ENTREP2: variants seen among roughly 807,000 people sequenced by gnomAD.
The protein encoded by ENTREP2 is protein ENTREP2.
At chr15:29,554,959 G>C in the ENTREP2 span, among the ~76,000 whole-genome samples, 1 of 152,152 alleles carries the variant, frequency 6.6e-6, no homozygotes, top group East Asian at 1.9e-4. Context: ...CAGCTCAATG[G>C]GAGCTTATTA....
the ENTREP2 span, among the ~76,000 whole-genome samples, chr15:29,664,463 T>A: frequency 6.6e-6 from 1 of 151,794 alleles, no homozygotes; most frequent in Non-Finnish European, 1.5e-5. Context: ...TTTTTTTTTT[T>A]AGCGCTCCTG....
chr15:29,569,609 C>T, the ENTREP2 span: 2 of 152,278 alleles, frequency 1.3e-5, no homozygotes, highest in South Asian at 2.1e-4. Context: ...ATCTGCTCTG[C>T]ATATATATCT....
the ENTREP2 span, among the ~76,000 whole-genome samples, chr15:29,470,417 C>T: frequency 6.6e-6 from 1 of 152,174 alleles, no homozygotes; most frequent in Admixed American, 6.5e-5. Context: ...CCTGCCAGCT[C>T]CCTTGCAAAC....
At chr15:29,570,944 C>T in the ENTREP2 span, among the ~76,000 whole-genome samples, 5 of 144,772 alleles carry the variant, frequency 3.5e-5, no homozygotes, top group African/African-American at 9.9e-5. Flanking sequence ...GCCGCCGCCG[C>T]GCCGCCCGCC....
the ENTREP2 span, among the ~76,000 whole-genome samples, chr15:29,630,103 G>T: frequency 6.6e-6 from 1 of 152,080 alleles, no homozygotes; most frequent in Non-Finnish European, 1.5e-5. Context: ...GTGACACAAT[G>T]AGACCCTGTC....
the ENTREP2 span, among the ~76,000 whole-genome samples, chr15:29,576,876 C>G: frequency 3.8e-4 from 58 of 152,022 alleles, no homozygotes; most frequent in Non-Finnish European, 5.7e-4. Context: ...GGCGTGATCT[C>G]GGCTCACTGC....
At chr15:29,246,392 C>CAAAAAAA in the ENTREP2 span, among the ~76,000 whole-genome samples, 3 of 90,702 alleles carry the variant, frequency 3.3e-5, no homozygotes, top group Non-Finnish European at 4.4e-5. Context: ...ACCCTGTTTC[C>CAAAAAAA]AAAAAAAAAA....
At chr15:29,583,740 T>A in the ENTREP2 span, among the ~76,000 whole-genome samples, 1 of 152,224 alleles carries the variant, frequency 6.6e-6, no homozygotes, top group African/African-American at 2.4e-5. Flanking sequence ...AATCCCTTTC[T>A]GAAGAATTGT....
At chr15:29,674,503 C>G in the ENTREP2 span, among the ~76,000 whole-genome samples, 2 of 152,056 alleles carry the variant, frequency 1.3e-5, no homozygotes, top group Non-Finnish European at 2.9e-5. Context: ...CCCCTGACCT[C>G]GTGATCCGCC....
chr15:29,349,127 G>A, the ENTREP2 span, among the ~76,000 whole-genome samples: 1 of 152,280 alleles, frequency 6.6e-6, no homozygotes, highest in Admixed American at 6.5e-5. Flanking sequence ...TTCACAGACT[G>A]TCACACATGC....
the ENTREP2 span, among the ~76,000 whole-genome samples, chr15:29,216,160 G>A: frequency 6.6e-6 from 1 of 152,178 alleles, no homozygotes; most frequent in East Asian, 1.9e-4. Flanking sequence ...ATGGTGGCTT[G>A]GCAGTGGCGA....
chr15:29,193,817 C>T, the ENTREP2 span, among the ~76,000 whole-genome samples: 3 of 152,044 alleles, frequency 2.0e-5, no homozygotes, highest in Non-Finnish European at 2.9e-5. Context: ...AGATTGGTAA[C>T]AAAAATCAAA....
At chr15:29,636,109 G>A in the ENTREP2 span, among the ~76,000 whole-genome samples, 3 of 152,174 alleles carry the variant, frequency 2.0e-5, no homozygotes, top group African/African-American at 4.8e-5. Context: ...GCTAAAGCAG[G>A]CCCTCTTTGC....
chr15:29,175,144 G>T, the ENTREP2 span, among the ~76,000 whole-genome samples: 4 of 152,058 alleles, frequency 2.6e-5, no homozygotes, highest in Admixed American at 6.5e-5. Flanking sequence ...TGAGAGCCAG[G>T]GCTCCAAAGC....
chr15:29,170,595 T>TGTGA, the ENTREP2 span, among the ~76,000 whole-genome samples: 1 of 151,604 alleles, frequency 6.6e-6, no homozygotes, highest in Non-Finnish European at 1.5e-5. Flanking sequence ...TGTGTGTGTG[T>TGTGA]GTGAGTGTGT....
At chr15:29,474,039 A>G in the ENTREP2 span, among the ~76,000 whole-genome samples, 193 of 152,342 alleles carry the variant, frequency 1.3e-3, 1 homozygote, top group East Asian at 0.011. Context: ...ACAGCCTTCA[A>G]TAGCAAACCC....
chr15:29,406,913 C>T, the ENTREP2 span, among the ~76,000 whole-genome samples: 8 of 152,314 alleles, frequency 5.3e-5, no homozygotes, highest in East Asian at 5.8e-4. Context: ...ATTATGACTA[C>T]GTAAAATGTC....
At chr15:29,133,517 T>A in the ENTREP2 span, among the ~76,000 whole-genome samples, 1 of 152,092 alleles carries the variant, frequency 6.6e-6, no homozygotes, top group African/African-American at 2.4e-5. Context: ...CTGCCCTCCA[T>A]CGCATCAAAG....
the ENTREP2 span, among the ~76,000 whole-genome samples, chr15:29,494,548 C>G: frequency 2.0e-5 from 3 of 152,180 alleles, no homozygotes; most frequent in Non-Finnish European, 2.9e-5. Flanking sequence ...AATCTACTCT[C>G]TTAGCAAATT....
Sources: allele counts gnomAD v4.1 joint callset (sites outside exome capture counted in the v4.1 genomes callset), GRCh38; gene constraint gnomAD v4.1.1; transcripts MANE v1.5; gene names NCBI Gene and HGNC (gene_info 2026-07-23, HGNC 2026-07-21).